The following AGAP1 variants were observed in gnomAD, a reference collection of about 807,000 sequenced individuals.
AGAP1 encodes the protein ArfGAP with GTPase domain, ankyrin repeat and PH domain 1.
AGAP1 carries 29 observed loss-of-function variants against 105.3 expected under a neutral mutation model. The ratio of observed to expected loss-of-function variants is 0.28; its 90% CI spans 0.21 to 0.38. The LOEUF (loss-of-function observed/expected upper bound fraction) is 0.38, where lower values mean the gene tolerates loss of function less well. AGAP1 is among the 10% of genes least tolerant of loss of function. AGAP1 has a pLI of 1.00. For missense variants in AGAP1, 998 were observed against 1,165.1 expected (o/e 0.86, Z 2.09); for synonymous variants, 509 against 485.9 (o/e 1.05, Z -0.63).
At position 236,055,702 on chromosome 2, in the gene AGAP1, G is replaced by A. The variant is rs1237909522; in HGVS notation, c.2114+6421G>A. Among the ~76,000 whole-genome samples, 1 of 152,228 alleles carries A rather than the reference G, an allele frequency of 6.6e-6. No homozygotes were observed. Among genetic ancestry groups the A allele is most frequent in the Non-Finnish European group, 1.5e-5 (1 of 68,036 alleles). Reference sequence around the variant, plus strand: ...TTTGCAGGCACACCGTCTGCTGGCAGGAGTGACATTTACTACCAATAAAGT... The same window carrying A: ...TTTGCAGGCACACCGTCTGCTGGCAAGAGTGACATTTACTACCAATAAAGT... On this transcript the variant is annotated intron_variant, in intron 16 of 17. Transcript: ENST00000304032. The surrounding 1 kb of genome is among the most constrained non-coding windows in gnomAD (Gnocchi z 6.2).
Position 235,866,355 on chromosome 2 carries a change from A to T in AGAP1, c.1051-16990A>T, listed in dbSNP as rs941330491. On this transcript the variant is annotated intron_variant, in intron 9 of 17. Transcript: ENST00000304032. The surrounding 1 kb of genome is among the most constrained non-coding windows in gnomAD (Gnocchi z 6.1). ...CCGAGGGAGACAATCCGTGTGTGTG[A>T]TCGGGGTGTTCTGGACTTGAGGTAC... Among the ~76,000 whole-genome samples the T allele has an allele frequency of 2.0e-5, 3 of 152,128 alleles. No individual in the cohort carries two copies. The highest frequency in any genetic ancestry group is 7.2e-5 in the African/African-American group (3 of 41,414).
intron 1 of AGAP1, among the ~76,000 whole-genome samples, chr2:235,526,900 A>T (rs1346355286): frequency 6.6e-6 from 1 of 152,182 alleles, no homozygotes; most frequent in Non-Finnish European, 1.5e-5. Context: ...GCTTCCACAG[A>T]TGGAATGAAA....
rs547118663 is a variant in AGAP1, at chr2:236,049,315, C to T, written c.2114+34C>T. The T allele has an allele frequency of 1.8e-5, 29 of 1,584,758 alleles. No individual in the cohort carries two copies. In the East Asian group the frequency reaches 3.6e-4, roughly 20 times the overall value. On this transcript the variant is annotated intron_variant, in intron 16 of 17. Transcript: ENST00000304032. ...TTTGGAAGATGCCTGGCTCCCGACA[C>T]GTTTGCCAACAGTTAGGCAACTGGA...
intron 1 of AGAP1, among the ~76,000 whole-genome samples, chr2:235,568,764 A>C (rs1944428285): frequency 6.6e-6 from 1 of 152,118 alleles, no homozygotes; most frequent in African/African-American, 2.4e-5. Flanking sequence ...GTGCAGGGAG[A>C]ATCCATTTCC....
rs1491417066 is a variant in AGAP1 at position 236,128,086 on chromosome 2, CCA to C, written c.*3965_*3966del. On this transcript the variant is annotated 3_prime_UTR_variant, in exon 18 of 18. Transcript: ENST00000304032. This position sits in a 1 kb window ranked among gnomAD's most constrained non-coding sequence, Gnocchi z 5.9. ...GGGCACGTTTGCCAACCCCCCCCCC[CCA>C]GTAGAGCCCAGGACCCTCCTCTCTC... 2.0e-5 allele frequency: 3 copies of C among 151,670 alleles called. No individual in the cohort carries two copies. The highest frequency in any genetic ancestry group is 7.3e-5 in the African/African-American group (3 of 41,330). The allele number at this position is 151,670 out of a possible 1,614,324, so 9.4% of individuals were successfully genotyped here. A position where few individuals can be genotyped will look rare whatever the true frequency, so the allele number is the denominator to read the frequency against.
intron 1 of AGAP1, among the ~76,000 whole-genome samples, chr2:235,515,941 G>A (rs573338798): frequency 6.6e-6 from 1 of 152,306 alleles, no homozygotes; most frequent in South Asian, 2.1e-4. Flanking sequence ...GGAGCGGGGA[G>A]AAGTTGGTTG....
chr2:235,684,299 C>T (rs1431390265), intron 1 of AGAP1, among the ~76,000 whole-genome samples: 1 of 152,180 alleles, frequency 6.6e-6, no homozygotes, highest in Non-Finnish European at 1.5e-5. Context: ...CCGCCTCGGC[C>T]TCCCAAAGTG....
rs928650080 is a variant in AGAP1 at position 236,104,823 on chromosome 2, C to T, written c.2115-15369C>T. On this transcript the variant is annotated intron_variant, in intron 16 of 17. Coordinates refer to ENST00000304032, the MANE Select transcript of AGAP1 (RefSeq NM_001037131.3). The surrounding 1 kb of genome is among the most constrained non-coding windows in gnomAD (Gnocchi z 4.7). The stretch of plus-strand genomic sequence containing the variant: ...CAGGAGAATCGCTTGAACCGGGACC[C>T]GGGAGGCGGAGGTAGCAGTGAGCCC... 9.2e-5 allele frequency among the ~76,000 whole-genome samples: 14 copies of T among 151,946 alleles called. No individual in the cohort carries two copies. The highest frequency in any genetic ancestry group is 2.9e-4 in the African/African-American group (12 of 41,360).
intron 9 of AGAP1, among the ~76,000 whole-genome samples, chr2:235,848,841 G>C (rs1347748892): frequency 6.6e-6 from 1 of 152,176 alleles, no homozygotes; most frequent in African/African-American, 2.4e-5. Flanking sequence ...ATGCTTTTCT[G>C]ATAGTGGGGA....
In AGAP1 at chr2:235,729,903, C is replaced by T. The variant is rs1194280396; in HGVS notation, c.311-11060C>T. ...TAAAAACAAAGAAGGATACAACATG[C>T]AAGGCCTAAAATGTTTACTTTCTGG... On this transcript the variant is annotated intron_variant, in intron 3 of 17. Transcript: ENST00000304032. This position sits in a 1 kb window ranked among gnomAD's most constrained non-coding sequence, Gnocchi z 5.0. Among the ~76,000 whole-genome samples the T allele has an allele frequency of 6.6e-6, 1 of 152,118 alleles. No homozygotes were observed. The highest frequency in any genetic ancestry group is 6.5e-5 in the Admixed American group (1 of 15,276).
intron 1 of AGAP1, among the ~76,000 whole-genome samples, chr2:235,679,614 A>G (rs1948952730): frequency 6.6e-6 from 1 of 152,078 alleles, no homozygotes. Flanking sequence ...CAGCATATGG[A>G]TTCGTCTCAT....
At chr2:235,616,815 C>T (rs1946321327) in intron 1 of AGAP1, among the ~76,000 whole-genome samples, 1 of 152,158 alleles carries the variant, frequency 6.6e-6, no homozygotes, top group Admixed American at 6.5e-5. Context: ...TTTTAAAAAT[C>T]ATTTTGTAGC....
Position 235,754,927 on chromosome 2 carries a change from G to C in AGAP1, c.673+4439G>C, listed in dbSNP as rs1953788642. On this transcript the variant is annotated intron_variant, in intron 6 of 17. Transcript: ENST00000304032. The surrounding 1 kb of genome is among the most constrained non-coding windows in gnomAD (Gnocchi z 4.6). ...AGTGTGGCAGCCCAGGCTGCTTTCT[G>C]GGGGTGGAGCGTTCTCGCTCCTGCT... 6.6e-6 allele frequency among the ~76,000 whole-genome samples: 1 copy of C among 152,266 alleles called. No individual in the cohort carries two copies. The highest frequency in any genetic ancestry group is 1.5e-5 in the Non-Finnish European group (1 of 68,046).
chr2:235,589,053 G>C (rs1004694393), intron 1 of AGAP1, among the ~76,000 whole-genome samples: 3 of 152,048 alleles, frequency 2.0e-5, no homozygotes, highest in African/African-American at 7.2e-5. Flanking sequence ...TTTCACAGGT[G>C]CTCCTTGCTC....
rs143714801 is a variant in AGAP1, at chr2:235,728,301, CTGTGTG to C, written c.310+10678_310+10683del. 4.0e-5 allele frequency among the ~76,000 whole-genome samples: 6 copies of C among 148,532 alleles called. No individual in the cohort carries two copies. Among genetic ancestry groups the C allele is most frequent in the Non-Finnish European group, 8.9e-5 (6 of 67,092 alleles). Reference sequence around the variant, plus strand: ...ATCTGAAAAGGACTGGGCCCAGACTCTGTGTGTGTGTGTGTGTGTGTGTGTGCGTGC... The same window carrying C: ...ATCTGAAAAGGACTGGGCCCAGACTCTGTGTGTGTGTGTGTGTGTGCGTGC... On this transcript the variant is annotated intron_variant, in intron 3 of 17. Transcript: ENST00000304032. This position sits in a 1 kb window ranked among gnomAD's most constrained non-coding sequence, Gnocchi z 4.3.
At chr2:235,807,428 G>A in intron 9 of AGAP1, 97 bp downstream of exon 9, 1 of 1,069,256 alleles carries the variant, frequency 9.4e-7, no homozygotes, top group East Asian at 2.6e-5. Context: ...TCTGTCTGAT[G>A]TGCTCTGTTG....
At position 235,874,826 on chromosome 2, in the gene AGAP1, C is replaced by T. The variant is rs1380711815; in HGVS notation, c.1051-8519C>T. Among the ~76,000 whole-genome samples, 8 of 152,110 alleles carry T rather than the reference C, an allele frequency of 5.3e-5. No individual in the cohort carries two copies. Among genetic ancestry groups the T allele is most frequent in the Non-Finnish European group, 7.4e-5 (5 of 68,002 alleles). Reference sequence around the variant, plus strand: ...GAGTGTGTGTGTGCATGTGTGTGTGCGTGTGCTCTTGCACACGCTCATGGA... The same window carrying T: ...GAGTGTGTGTGTGCATGTGTGTGTGTGTGTGCTCTTGCACACGCTCATGGA... On this transcript the variant is annotated intron_variant, in intron 9 of 17. Transcript: ENST00000304032. The surrounding 1 kb of genome is among the most constrained non-coding windows in gnomAD (Gnocchi z 4.5).
rs949139294 is a variant in AGAP1, at chr2:236,020,716, A to G, written c.1646-15845A>G. Among the ~76,000 whole-genome samples, 1 of 152,250 alleles carries G rather than the reference A, an allele frequency of 6.6e-6. No homozygotes were observed. Among genetic ancestry groups the G allele is most frequent in the African/African-American group, 2.4e-5 (1 of 41,462 alleles). The stretch of plus-strand genomic sequence containing the variant: ...AGGGAAGCTGGCCGCCGTGGCTGCT[A>G]TTAAATTGCTATACAGACTTATTTA... On this transcript the variant is annotated intron_variant, in intron 13 of 17. Coordinates refer to ENST00000304032, the MANE Select transcript of AGAP1 (RefSeq NM_001037131.3). This position sits in a 1 kb window ranked among gnomAD's most constrained non-coding sequence, Gnocchi z 5.0.
At chr2:235,749,322 A>G (rs1418880982) in intron 5 of AGAP1, among the ~76,000 whole-genome samples, 1 of 151,832 alleles carries the variant, frequency 6.6e-6, no homozygotes, top group Non-Finnish European at 1.5e-5. Context: ...ACTGTAACTC[A>G]ATAGTAATGG....
Sources: allele counts gnomAD v4.1 joint callset (sites outside exome capture counted in the v4.1 genomes callset), GRCh38; gene constraint gnomAD v4.1.1; non-coding constraint Gnocchi (gnomAD v3.1); transcripts MANE v1.5; gene names NCBI Gene and HGNC (gene_info 2026-07-23, HGNC 2026-07-21).